The following ZFYVE26 variants were observed in gnomAD, a reference collection of about 807,000 sequenced individuals.
ZFYVE26 encodes the protein zinc finger FYVE domain-containing protein 26.
ZFYVE26 carries 181 observed loss-of-function variants against 276.5 expected under a neutral mutation model. The ratio of observed to expected loss-of-function variants is 0.65; its 90% CI spans 0.58 to 0.74. ZFYVE26 has a LOEUF of 0.74. ZFYVE26 is among the 30% of genes least tolerant of loss of function. The pLI is 0.00. For synonymous variants in ZFYVE26, 1,129 were observed against 1,203.1 expected (o/e 0.94, Z 1.27); for missense variants, 2,821 against 3,097.9 (o/e 0.91, Z 2.12).
At chr14:67,759,585 C>G (rs2140190494) in intron 35 of ZFYVE26, among the ~76,000 whole-genome samples, 1 of 144,334 alleles carries the variant, frequency 6.9e-6, no homozygotes, top group East Asian at 2.0e-4. Context: ...GATCTCACCA[C>G]CGCGCTCCAG....
rs145455748 is a variant in ZFYVE26, at chr14:67,802,256, G to A, written c.1462C>T (p.His488Tyr). The A allele has an allele frequency of 3.1e-5, 50 of 1,614,112 alleles. No individual in the cohort carries two copies. Among genetic ancestry groups the A allele is most frequent in the Non-Finnish European group, 4.2e-5 (49 of 1,180,044 alleles). ...PDAVDAPVPEHLSQCQNLTLY... is the reference protein window; with the variant it reads ...PDAVDAPVPEYLSQCQNLTLY... ...GTCAGGTTCTGACACTGGCTCAGGT[G>A]CTCAGGGACTGGAGCATCAACTGCA... The change falls in exon 10 of 42, where the codon CAC (histidine) becomes TAC (tyrosine). Residue 488 changes from histidine (H) to tyrosine (Y), a missense_variant. Transcript: ENST00000347230.
In ZFYVE26 at chr14:67,775,017, A is replaced by G. The variant is rs1442017867; in HGVS notation, c.5319T>C (p.Pro1773=). 6.2e-7 allele frequency: 1 copy of G among 1,607,832 alleles called. No individual in the cohort carries two copies. Among genetic ancestry groups the G allele is most frequent in the Admixed American group, 1.7e-5 (1 of 59,426 alleles). The change falls in exon 27 of 42, where the codon CCT becomes CCC. Residue 1773 remains proline, a splice_region_variant and synonymous_variant. Transcript: ENST00000347230. ...TGAATCATCAGAGCCAGTTCTTACC[A>G]GGAGGAGCAGCAGGAGAGAACTCTG... ...PSAEFSPAAP[P]GISSIHSPSL... is the part of the protein sequence containing the mutation.
chr14:67,806,654 G>C lies in ZFYVE26; in HGVS notation c.908C>G (p.Pro303Arg). 6.2e-7 allele frequency: 1 copy of C among 1,614,178 alleles called. No homozygotes were observed. Among genetic ancestry groups the C allele is most frequent in the Non-Finnish European group, 8.5e-7 (1 of 1,180,036 alleles). The change falls in exon 6 of 42, where the codon CCT (proline) becomes CGT (arginine). Residue 303 changes from proline (P) to arginine (R), a missense_variant. Transcript: ENST00000347230. ...SGKVSPDHLD[P>R]ERAMLALFSN... Reference sequence around the variant, plus strand: ...GAACAGGGCTAGCATTGCCCGCTCAGGATCTAGATGATCCGGTGAGACTGA... The same window carrying C: ...GAACAGGGCTAGCATTGCCCGCTCACGATCTAGATGATCCGGTGAGACTGA...
chr14:67,808,028 G>A, intron 4 of ZFYVE26, 108 bp from the exon 5 acceptor site: 1 of 1,318,338 alleles, frequency 7.6e-7, no homozygotes, highest in Non-Finnish European at 1.1e-6. Flanking sequence ...AATAGTGGCG[G>A]TAACAAATAC....
chr14:67,785,872 G>C lies in ZFYVE26; in HGVS notation c.3290C>G (p.Ala1097Gly), dbSNP rs754444709. The change falls in exon 18 of 42, where the codon GCA becomes GGA. Residue 1097 changes from alanine to glycine, a missense_variant. By Grantham distance (60) the Ala-to-Gly change is moderately conservative (BLOSUM62 0). Coordinates refer to ENST00000347230, the MANE Select transcript of ZFYVE26 (RefSeq NM_015346.4). Reference protein sequence around the residue: ...LDQVLQSLREALELPEPRTPP... With the variant: ...LDQVLQSLREGLELPEPRTPP... Reference sequence around the variant, plus strand: ...CAGCCTTATACCTGGCAGCTCTAGTGCCTCTCTCAGTGACTGAAGGACCTG... The same window carrying C: ...CAGCCTTATACCTGGCAGCTCTAGTCCCTCTCTCAGTGACTGAAGGACCTG... 1 of 1,614,080 alleles carries C rather than the reference G, an allele frequency of 6.2e-7. No individual in the cohort carries two copies. Among genetic ancestry groups the C allele is most frequent in the Non-Finnish European group, 8.5e-7 (1 of 1,180,032 alleles).
At chr14:67,775,233 T>C (rs2039311113) in intron 26 of ZFYVE26, 119 bp from the exon 27 acceptor site, 4 of 693,120 alleles carry the variant, frequency 5.8e-6, no homozygotes, top group Non-Finnish European at 9.7e-6. Context: ...ATGACTCTAC[T>C]AGGTATTAAG....
At position 67,783,457 on chromosome 14, in the gene ZFYVE26, C is replaced by G. The variant is rs150010519; in HGVS notation, c.3695G>C (p.Cys1232Ser). 4 of 1,614,040 alleles carry G rather than the reference C, an allele frequency of 2.5e-6. No individual in the cohort carries two copies. The highest frequency in any genetic ancestry group is 1.3e-5 in the African/African-American group (1 of 75,046). Residue 1232 changes from cysteine (C) to serine (S), a missense_variant, in exon 21 of 42, where the codon TGT becomes TCT. Coordinates refer to ENST00000347230, the MANE Select transcript of ZFYVE26 (RefSeq NM_015346.4). ...SVPQVIVSCC[C>S]EPLALCSSRQ... is the part of the protein sequence containing the mutation. The stretch of plus-strand genomic sequence containing the variant: ...GGATGAGCAAAGAGCAAGGGGCTCA[C>G]AGCAGCAGCTGACGATGACCTGTGG...
intron 13 of ZFYVE26, chr14:67,733,874 AG>A (rs754752265): frequency 6.5e-7 from 1 of 1,535,102 alleles, no homozygotes. Flanking sequence ...CAGCTTTATC[AG>A]GCCCAATCCA....
At chr14:67,761,648 T>G in intron 34 of ZFYVE26, 64 bp from the exon 35 acceptor site, 1 of 1,422,726 alleles carries the variant, frequency 7.0e-7, no homozygotes, top group Non-Finnish European at 9.8e-7. Context: ...GCACTGAAAA[T>G]ATTGCTTGCA....
chr14:67,749,251 T>C (rs1452796325), intron 41 of ZFYVE26, among the ~76,000 whole-genome samples: 1 of 152,220 alleles, frequency 6.6e-6, no homozygotes, highest in Non-Finnish European at 1.5e-5. Flanking sequence ...ATCTAAAGTT[T>C]TTTTTATAAT....
intron 12 of ZFYVE26, among the ~76,000 whole-genome samples, chr14:67,795,169 G>A (rs2039923973): frequency 6.6e-6 from 1 of 152,230 alleles, no homozygotes; most frequent in Non-Finnish European, 1.5e-5. Flanking sequence ...AAGCCCTTTA[G>A]AAGGAACAGC....
At chr14:67,790,490 G>T (rs2039781312) in intron 15 of ZFYVE26, 82 bp downstream of exon 15, 2 of 1,447,138 alleles carry the variant, frequency 1.4e-6, no homozygotes, top group African/African-American at 1.4e-5. Flanking sequence ...CTCATGAGGA[G>T]CCTAGGATTT....
At position 67,805,606 on chromosome 14, in the gene ZFYVE26, T is replaced by A. The variant is rs1237539652; in HGVS notation, c.1030A>T (p.Thr344Ser). The A allele has an allele frequency of 5.0e-6, 8 of 1,614,020 alleles. No homozygotes were observed. Among genetic ancestry groups the A allele is most frequent in the Non-Finnish European group, 6.8e-6 (8 of 1,180,022 alleles). Residue 344 changes from threonine to serine, a missense_variant, in exon 7 of 42, where the codon ACA (threonine) becomes TCA (serine). By Grantham distance (58) the Thr-to-Ser change is moderately conservative. Transcript: ENST00000347230. ...FLEQILVTAL[T>S]LLKEEDFPNL... ...GGGAAGTCTTCTTCTTTCAACAATG[T>A]TAGTGCTGTTACCTGTAAGTCAAAG...
chr14:67,730,611 A>T (rs928924197), intron 13 of ZFYVE26, among the ~76,000 whole-genome samples: 1 of 151,122 alleles, frequency 6.6e-6, no homozygotes, highest in African/African-American at 2.4e-5. Flanking sequence ...GATCCCAAGC[A>T]TTTTTTTTTG....
chr14:67,783,165 G>C lies in ZFYVE26; in HGVS notation c.3987C>G (p.Val1329=), dbSNP rs746375851. The C allele has an allele frequency of 5.6e-6, 9 of 1,608,320 alleles. No individual in the cohort carries two copies. The highest frequency in any genetic ancestry group is 6.8e-6 in the Non-Finnish European group (8 of 1,176,154). The change falls in exon 21 of 42, where the codon GTC becomes GTG. Residue 1329 remains valine, a synonymous_variant. Transcript: ENST00000347230. Reference sequence around the variant, plus strand: ...CCTTCCATGACAAGCTGGGTTTGCTGACCTTTAACCTCGGGGAAGCCCCCA... The same window carrying C: ...CCTTCCATGACAAGCTGGGTTTGCTCACCTTTAACCTCGGGGAAGCCCCCA... ...ACLGASPRLK[V]SKPSLSWKEL... is the part of the protein sequence containing the mutation.
chr14:67,785,616 T>C (rs2140227179), intron 18 of ZFYVE26, among the ~76,000 whole-genome samples: 1 of 141,262 alleles, frequency 7.1e-6, no homozygotes, highest in South Asian at 2.1e-4. Context: ...CTGCTGGCTG[T>C]ATTTCTTATT....
chr14:67,754,321 A>C, intron 37 of ZFYVE26, 109 bp from the exon 38 acceptor site: 5 of 1,459,724 alleles, frequency 3.4e-6, no homozygotes, highest in Non-Finnish European at 3.8e-6. Flanking sequence ...AAAACAAATG[A>C]TATAGTGGGA....
At chr14:67,809,986 G>A (rs544524576) in intron 3 of ZFYVE26, among the ~76,000 whole-genome samples, 13 of 151,038 alleles carry the variant, frequency 8.6e-5, no homozygotes, top group African/African-American at 2.7e-4. Context: ...GGGTTTCACC[G>A]TGTTAGCCAG....
At position 67,762,557 on chromosome 14, in the gene ZFYVE26, G is replaced by A. The variant is rs548172721; in HGVS notation, c.6159+115C>T. 16 of 1,573,136 alleles carry A rather than the reference G, an allele frequency of 1.0e-5. No individual in the cohort carries two copies. The South Asian group carries it at 1.1e-4, about 11-fold the overall frequency. ...CTGCTGGCAAACTAGTCATGTCCCC[G>A]ATTCTACCCCATGGGCAGGACAACT... On this transcript the variant is annotated intron_variant, in intron 33 of 41. Coordinates refer to ENST00000347230, the MANE Select transcript of ZFYVE26 (RefSeq NM_015346.4).
Sources: allele counts gnomAD v4.1 joint callset (sites outside exome capture counted in the v4.1 genomes callset), GRCh38; gene constraint gnomAD v4.1.1; transcripts MANE v1.5; gene names NCBI Gene and HGNC (gene_info 2026-07-23, HGNC 2026-07-21).